NOL10: variants seen among roughly 807,000 people sequenced by gnomAD.
The protein encoded by NOL10 is H_NH0074G24.1.
Under a neutral mutation model 103.5 loss-of-function variants are expected in NOL10, and 58 were observed. The ratio of observed to expected loss-of-function variants is 0.56; its 90% CI spans 0.45 to 0.70. The LOEUF (loss-of-function observed/expected upper bound fraction) is 0.70. Ranked by LOEUF, NOL10 falls within the 30% of genes least tolerant of loss-of-function variation. The pLI is 0.00. For synonymous variants in NOL10, 287 were observed against 282.5 expected, an observed-to-expected ratio of 1.02 and a Z score of -0.16; for missense variants, 763 against 807.3, an observed-to-expected ratio of 0.95 and a Z score of 0.67.
At chr2:10,670,218 G>A (rs56702784) in intron 6 of NOL10, among the ~76,000 whole-genome samples, 2,066 of 151,974 alleles carry the variant, frequency 0.014, 58 homozygotes, top group African/African-American at 0.047. Flanking sequence ...GTCACATGTA[G>A]GAATTATACC....
intron 13 of NOL10, among the ~76,000 whole-genome samples, chr2:10,638,792 CTTTTTTT>C (rs575658225): frequency 3.0e-4 from 16 of 52,856 alleles, no homozygotes; most frequent in African/African-American, 1.4e-3. Context: ...CGTGCCTGGC[CTTTTTTT>C]TTTTTTTTTT....
chr2:10,584,252 G>A (rs548145472), intron 19 of NOL10, among the ~76,000 whole-genome samples: 3 of 152,248 alleles, frequency 2.0e-5, no homozygotes, highest in South Asian at 2.1e-4. Context: ...AGGCCATGTC[G>A]TTCTTCCCAT....
chr2:10,653,051 C>A lies in NOL10; in HGVS notation c.973+1430G>T, dbSNP rs556575395. 7.9e-5 allele frequency among the ~76,000 whole-genome samples: 12 copies of A among 152,192 alleles called. No homozygotes were observed. The South Asian group carries it at 2.5e-3, about 32-fold the overall frequency. ...TTTCTACTAAAAATACAAAAATCAGCCAGGCGTGGTGGTGCGTGCCTGTAG... is the reference window on the plus strand; with the variant it reads ...TTTCTACTAAAAATACAAAAATCAGACAGGCGTGGTGGTGCGTGCCTGTAG... On this transcript the variant is annotated intron_variant, in intron 12 of 20. Coordinates refer to ENST00000381685, the MANE Select transcript of NOL10 (RefSeq NM_024894.4).
intron 11 of NOL10, 95 bp from the exon 12 acceptor site, chr2:10,654,642 T>C (rs1679703824): frequency 4.9e-6 from 3 of 611,844 alleles, no homozygotes; most frequent in Admixed American, 6.9e-5. Flanking sequence ...TCTACTCCTA[T>C]GTAAAGAAAT....
intron 13 of NOL10, among the ~76,000 whole-genome samples, chr2:10,621,692 G>A (rs957506176): frequency 6.0e-4 from 92 of 152,308 alleles, no homozygotes; most frequent in African/African-American, 2.1e-3. Context: ...TTGCTAGAGG[G>A]AAGTACACTG....
chr2:10,636,235 C>T (rs538442824), intron 13 of NOL10, among the ~76,000 whole-genome samples: 9 of 151,820 alleles, frequency 5.9e-5, no homozygotes, highest in Non-Finnish European at 7.4e-5. Flanking sequence ...TCAAATCTAC[C>T]GTTAAACTAA....
rs1403043979 is a variant in NOL10, at chr2:10,598,714, G to A, written c.1422+2139C>T. Among the ~76,000 whole-genome samples, 7 of 152,328 alleles carry A rather than the reference G, an allele frequency of 4.6e-5. No individual in the cohort carries two copies. In the East Asian group the frequency reaches 1.2e-3, roughly 25 times the overall value. On this transcript the variant is annotated intron_variant, in intron 17 of 20. Transcript: ENST00000381685. ...TAGAAAGTGAGTATGACAATTTGCT[G>A]AGGCAAAGAAAAATGCTGGCTCCGT...
intron 13 of NOL10, among the ~76,000 whole-genome samples, chr2:10,615,414 T>C (rs4997810): frequency 6.6e-6 from 1 of 151,522 alleles, no homozygotes; most frequent in African/African-American, 2.4e-5. Context: ...TAGTCAATTT[T>C]TGTGACACTA....
At chr2:10,650,669 T>C (rs1193723501) in intron 12 of NOL10, among the ~76,000 whole-genome samples, 2 of 152,086 alleles carry the variant, frequency 1.3e-5, no homozygotes, top group Non-Finnish European at 2.9e-5. Flanking sequence ...CTAGGCAGGA[T>C]CGCTCGAGCC....
chr2:10,652,284 C>T (rs1679524774), intron 12 of NOL10, among the ~76,000 whole-genome samples: 1 of 151,304 alleles, frequency 6.6e-6, no homozygotes, highest in African/African-American at 2.4e-5. Context: ...ACAGCATGGG[C>T]ACCAGAAACA....
chr2:10,659,419 G>A (rs1465533347), intron 9 of NOL10, among the ~76,000 whole-genome samples, 169 bp from the exon 10 acceptor site: 2 of 150,134 alleles, frequency 1.3e-5, no homozygotes, highest in Non-Finnish European at 3.0e-5. Context: ...ACTCGCACCT[G>A]TAATACCAGC....
intron 13 of NOL10, among the ~76,000 whole-genome samples, chr2:10,642,059 G>A (rs1181825463): frequency 1.3e-5 from 2 of 152,244 alleles, no homozygotes; most frequent in Non-Finnish European, 2.9e-5. Context: ...AGAGGAAGAT[G>A]AAAGAGACCT....
chr2:10,680,808 T>A (rs988048514), intron 3 of NOL10, among the ~76,000 whole-genome samples: 1 of 152,198 alleles, frequency 6.6e-6, no homozygotes, highest in Admixed American at 6.5e-5. Context: ...TATACAGGAC[T>A]TACGCGCCAA....
chr2:10,606,804 G>A (rs1312107891), intron 14 of NOL10, among the ~76,000 whole-genome samples: 2 of 151,814 alleles, frequency 1.3e-5, no homozygotes, highest in Non-Finnish European at 1.5e-5. Context: ...TAAAAGGGAG[G>A]CAGGAATCAT....
chr2:10,632,766 C>T (rs1025563777), intron 13 of NOL10, among the ~76,000 whole-genome samples: 1 of 151,866 alleles, frequency 6.6e-6, no homozygotes, highest in African/African-American at 2.4e-5. Context: ...TTGATTTAAC[C>T]ATGGGCCTGG....
chr2:10,581,233 C>T (rs1240416978), intron 19 of NOL10, among the ~76,000 whole-genome samples: 1 of 151,544 alleles, frequency 6.6e-6, no homozygotes, highest in African/African-American at 2.4e-5. Context: ...GGCCAGAGTG[C>T]AAAGTGCTCA....
chr2:10,632,055 A>G (rs2148246919), intron 13 of NOL10, among the ~76,000 whole-genome samples: 1 of 152,314 alleles, frequency 6.6e-6, no homozygotes, highest in Middle Eastern at 3.4e-3. Context: ...ACGGTCAAGA[A>G]GCACTGCAAA....
chr2:10,684,124 C>CA (rs918477576), intron 2 of NOL10, among the ~76,000 whole-genome samples: 4 of 151,360 alleles, frequency 2.6e-5, no homozygotes, highest in Admixed American at 2.0e-4. Context: ...ACTAAAAATA[C>CA]AAAAAAAATT....
At chr2:10,673,215 T>C (rs1681067150) in intron 5 of NOL10, 1 of 227,568 alleles carries the variant, frequency 4.4e-6, no homozygotes, top group East Asian at 8.8e-5. Flanking sequence ...ATCACAAATC[T>C]AGAATACAGG....
Sources: gnomAD v4.1 joint callset for allele counts (sites outside exome capture counted in the v4.1 genomes callset) on GRCh38, gnomAD v4.1.1 for gene constraint, MANE v1.5 for transcripts, NCBI Gene and HGNC (gene_info 2026-07-23, HGNC 2026-07-21) for gene names.